Variants in CSMD1 observed in about 807,000 individuals in gnomAD.
CSMD1 encodes the protein CUB and Sushi multiple domains 1, also known as CUB and sushi domain-containing protein 1.
Under a neutral mutation model 417.5 loss-of-function variants are expected in CSMD1, and 213 were observed. The ratio of observed to expected loss-of-function variants is 0.51; its 90% CI spans 0.46 to 0.57. CSMD1 has a LOEUF of 0.57. CSMD1 is among the 20% of genes least tolerant of loss of function. The pLI is 0.00. For synonymous variants in CSMD1, 2,862 were observed against 1,736.8 expected, an observed-to-expected ratio of 1.65 and a Z score of -16.11; for missense variants, 6,923 against 4,529.7, an observed-to-expected ratio of 1.53 and a Z score of -15.17.
intron 1 of CSMD1, among the ~76,000 whole-genome samples, chr8:4,722,109 G>C (rs754372935): frequency 6.6e-6 from 1 of 152,018 alleles, no homozygotes; most frequent in Non-Finnish European, 1.5e-5. Flanking sequence ...GAAAACTATA[G>C]GTAATAGTGT....
intron 9 of CSMD1, among the ~76,000 whole-genome samples, chr8:3,585,561 C>G: frequency 6.6e-6 from 1 of 152,154 alleles, no homozygotes; most frequent in Admixed American, 6.6e-5. Context: ...TACTTCATAG[C>G]AGTAAAAAAT....
At chr8:4,565,616 T>G (rs1458394562) in intron 2 of CSMD1, among the ~76,000 whole-genome samples, 1 of 151,512 alleles carries the variant, frequency 6.6e-6, no homozygotes, top group East Asian at 1.9e-4. Flanking sequence ...GCACCTGTAG[T>G]CCCAGCTACT....
chr8:4,587,769 A>G (rs1191868630), intron 2 of CSMD1, among the ~76,000 whole-genome samples: 2 of 152,204 alleles, frequency 1.3e-5, no homozygotes, highest in African/African-American at 4.8e-5. Context: ...AGATGCTAAC[A>G]CAAGCACTTT....
chr8:4,161,713 A>G (rs1029392766), intron 3 of CSMD1, among the ~76,000 whole-genome samples: 1 of 152,222 alleles, frequency 6.6e-6, no homozygotes, highest in African/African-American at 2.4e-5. Context: ...GAATCATAAG[A>G]AAACCATTGC....
chr8:4,168,740 G>C (rs1225814950), intron 3 of CSMD1, among the ~76,000 whole-genome samples: 1 of 152,066 alleles, frequency 6.6e-6, no homozygotes, highest in Non-Finnish European at 1.5e-5. Flanking sequence ...AGACCTCATT[G>C]GCTATTCAAG....
At chr8:4,346,486 T>G (rs187946584) in intron 3 of CSMD1, among the ~76,000 whole-genome samples, 2 of 152,286 alleles carry the variant, frequency 1.3e-5, no homozygotes, top group African/African-American at 4.8e-5. Context: ...ATCCCTGCTC[T>G]GATAGCCTCA....
Position 3,348,142 on chromosome 8 carries a change from G to A in CSMD1, c.3324C>T (p.Val1108=). 4 of 1,611,956 alleles carry A rather than the reference G, an allele frequency of 2.5e-6. No homozygotes were observed. The highest frequency in any genetic ancestry group is 3.4e-6 in the Non-Finnish European group (4 of 1,179,010). ...PRCVAECGAS[V]KGNEGTLLSP... Reference sequence around the variant, plus strand: ...ACAGTAATGTTCCTTCATTTCCTTTGACACTTGCTCCACATTCGGCTACAA... The same window carrying A: ...ACAGTAATGTTCCTTCATTTCCTTTAACACTTGCTCCACATTCGGCTACAA... Residue 1108 remains valine, a synonymous_variant, in exon 22 of 70, where the codon GTC becomes GTT. Transcript: ENST00000635120.
intron 3 of CSMD1, among the ~76,000 whole-genome samples, chr8:4,065,252 A>G: frequency 6.6e-6 from 1 of 152,210 alleles, no homozygotes; most frequent in East Asian, 1.9e-4. Flanking sequence ...TGCAGTTAAC[A>G]TTTCAAGAAC....
chr8:4,438,364 C>T (rs1309471000), intron 2 of CSMD1, among the ~76,000 whole-genome samples: 1 of 152,196 alleles, frequency 6.6e-6, no homozygotes, highest in Non-Finnish European at 1.5e-5. Flanking sequence ...TCACCCCTTT[C>T]TCACTGGAGC....
intron 3 of CSMD1, among the ~76,000 whole-genome samples, chr8:4,176,746 A>C (rs905604233): frequency 2.7e-5 from 4 of 150,364 alleles, no homozygotes; most frequent in East Asian, 1.9e-4. Context: ...TCTACCAAGC[A>C]AATGGAAAAC....
chr8:2,963,462 T>C (rs12547994), intron 59 of CSMD1, 67 bp from the exon 60 acceptor site: 1 of 1,499,454 alleles, frequency 6.7e-7, no homozygotes, highest in Non-Finnish European at 9.2e-7. Context: ...GTTCAAACGA[T>C]TCCCATTTTA....
At chr8:3,875,626 T>C (rs61590681) in intron 5 of CSMD1, among the ~76,000 whole-genome samples, 11,085 of 152,092 alleles carry the variant, frequency 0.073, 713 homozygotes, top group East Asian at 0.21. Context: ...GGACCAGAGT[T>C]TCCTCACAGC....
At chr8:4,654,979 C>T (rs986393564) in intron 1 of CSMD1, among the ~76,000 whole-genome samples, 2 of 142,512 alleles carry the variant, frequency 1.4e-5, no homozygotes, top group African/African-American at 2.6e-5. Context: ...TAAAAGACAA[C>T]AAATAACTAA....
At chr8:4,922,335 C>T (rs1024828413) in intron 1 of CSMD1, among the ~76,000 whole-genome samples, 4 of 152,166 alleles carry the variant, frequency 2.6e-5, no homozygotes, top group African/African-American at 9.7e-5. Flanking sequence ...CCCACCCCAT[C>T]TCAAACTAGC....
At chr8:3,193,846 G>C (rs761246601) in intron 33 of CSMD1, among the ~76,000 whole-genome samples, 2 of 152,158 alleles carry the variant, frequency 1.3e-5, no homozygotes, top group African/African-American at 2.4e-5. Context: ...TGACAGGTTC[G>C]ATGATCACCC....
chr8:4,086,317 C>T (rs570623048), intron 3 of CSMD1, among the ~76,000 whole-genome samples: 1 of 152,122 alleles, frequency 6.6e-6, no homozygotes, highest in Non-Finnish European at 1.5e-5. Flanking sequence ...ACAGAAGTTC[C>T]AAAGCCTTTT....
intron 26 of CSMD1, among the ~76,000 whole-genome samples, chr8:3,282,560 G>C (rs191527031): frequency 8.6e-5 from 13 of 151,904 alleles, no homozygotes; most frequent in Non-Finnish European, 1.5e-4. Flanking sequence ...AAAAACAAGA[G>C]TGATATAATT....
At chr8:4,193,351 T>C (rs1799144740) in intron 3 of CSMD1, among the ~76,000 whole-genome samples, 3 of 152,192 alleles carry the variant, frequency 2.0e-5, no homozygotes, top group Non-Finnish European at 4.4e-5. Context: ...AAATACTCAA[T>C]ATATACTGCC....
intron 3 of CSMD1, among the ~76,000 whole-genome samples, chr8:4,139,014 G>GCA (rs1803610965): frequency 1.3e-5 from 2 of 151,944 alleles, no homozygotes; most frequent in Non-Finnish European, 2.9e-5. Flanking sequence ...CATGCAGAAA[G>GCA]GACATATGCT....
Sources: gnomAD v4.1 joint callset for allele counts (sites outside exome capture counted in the v4.1 genomes callset) on GRCh38, gnomAD v4.1.1 for gene constraint, MANE v1.5 for transcripts, NCBI Gene and HGNC (gene_info 2026-07-23, HGNC 2026-07-21) for gene names.